Variants in KRABD3 observed in about 807,000 individuals in gnomAD.
The protein encoded by KRABD3 is KRAB domain-containing protein 3.
the KRABD3 span, chr7:149,724,969 C>A: frequency 1.2e-6 from 1 of 839,858 alleles, no homozygotes; most frequent in Non-Finnish European, 1.8e-6. Context: ...GCCTTTCTTC[C>A]CAAGCAGTGA....
At chr7:149,730,089 G>A in the KRABD3 span, 6 of 1,443,934 alleles carry the variant, frequency 4.2e-6, no homozygotes, top group South Asian at 1.5e-5. Context: ...CAGACACTAA[G>A]GCAGAGACCT....
At chr7:149,725,852 C>A in the KRABD3 span, 3 of 1,490,654 alleles carry the variant, frequency 2.0e-6, no homozygotes, top group African/African-American at 1.4e-5. Flanking sequence ...CTCCAGTGAG[C>A]CTCCTGGTGA....
chr7:149,724,631 C>T, the KRABD3 span: 2 of 1,496,572 alleles, frequency 1.3e-6, no homozygotes, highest in Non-Finnish European at 1.8e-6. Context: ...CCTTGGGCTT[C>T]CCAATGGCCT....
At chr7:149,734,174 C>T in the KRABD3 span, 4 of 1,321,880 alleles carry the variant, frequency 3.0e-6, no homozygotes, top group Non-Finnish European at 4.1e-6. Context: ...TGCTGGGAGC[C>T]TCGCCCTTTG....
the KRABD3 span, chr7:149,721,076 G>T: frequency 1.0e-5 from 15 of 1,505,674 alleles, no homozygotes; most frequent in African/African-American, 1.5e-4. Context: ...ACTGCATGTG[G>T]GCTTGCAGGC....
chr7:149,716,837 A>T, the KRABD3 span, among the ~76,000 whole-genome samples: 1 of 152,176 alleles, frequency 6.6e-6, no homozygotes, highest in Non-Finnish European at 1.5e-5. Flanking sequence ...CTTAATATTC[A>T]TAGTCCCCGC....
chr7:149,715,016 G>T, the KRABD3 span: 9 of 1,227,308 alleles, frequency 7.3e-6, no homozygotes, highest in Admixed American at 8.5e-5. Context: ...CAGGGCCCGC[G>T]CCGGAAACCG....
the KRABD3 span, chr7:149,734,286 T>G: frequency 1.8e-6 from 1 of 556,002 alleles, no homozygotes; most frequent in Non-Finnish European, 3.1e-6. Context: ...AATCAAATGT[T>G]GCTTCCCTCT....
the KRABD3 span, chr7:149,729,852 C>G: frequency 4.1e-6 from 4 of 985,446 alleles, no homozygotes; most frequent in Non-Finnish European, 4.8e-6. Flanking sequence ...GAGAAGCCGC[C>G]TGGCCTGTGA....
At chr7:149,730,676 G>A in the KRABD3 span, 9 of 1,354,662 alleles carry the variant, frequency 6.6e-6, no homozygotes, top group Non-Finnish European at 9.0e-6. Flanking sequence ...TCTTGCCAGG[G>A]AGTCCTGCAC....
At chr7:149,727,381 C>G in the KRABD3 span, among the ~76,000 whole-genome samples, 1 of 152,214 alleles carries the variant, frequency 6.6e-6, no homozygotes, top group Non-Finnish European at 1.5e-5. Context: ...GGGCTTTTCC[C>G]CTATAGTGCA....
At chr7:149,729,229 G>T in the KRABD3 span, 4 of 1,597,662 alleles carry the variant, frequency 2.5e-6, no homozygotes, top group Non-Finnish European at 3.4e-6. Context: ...TCTCGGGCAG[G>T]GTAGGGGAGA....
At chr7:149,720,244 A>C in the KRABD3 span, 10 of 1,167,026 alleles carry the variant, frequency 8.6e-6, no homozygotes, top group African/African-American at 1.6e-5. Flanking sequence ...CCCCTACTGC[A>C]ACCTCCCAAG....
chr7:149,726,187 G>A, the KRABD3 span: 1 of 826,106 alleles, frequency 1.2e-6, no homozygotes, highest in South Asian at 1.8e-5. Flanking sequence ...GGGATACTGA[G>A]GCAGGAGCAG....
the KRABD3 span, among the ~76,000 whole-genome samples, chr7:149,724,077 G>A: frequency 2.0e-5 from 3 of 152,190 alleles, no homozygotes; most frequent in East Asian, 1.9e-4. Flanking sequence ...CTCGGTCAGC[G>A]CTTGATAATT....
the KRABD3 span, among the ~76,000 whole-genome samples, chr7:149,717,321 G>T: frequency 6.6e-6 from 1 of 152,208 alleles, no homozygotes; most frequent in African/African-American, 2.4e-5. Flanking sequence ...TTTAGGGAAT[G>T]GTGGGAAGCC....
At chr7:149,734,117 C>T in the KRABD3 span, 1 of 1,510,606 alleles carries the variant, frequency 6.6e-7, no homozygotes, top group Non-Finnish European at 8.9e-7. Flanking sequence ...GCCCTGTCAC[C>T]CCACCCCAGG....
chr7:149,716,866 TC>T, the KRABD3 span, among the ~76,000 whole-genome samples: 2 of 152,228 alleles, frequency 1.3e-5, no homozygotes, highest in African/African-American at 2.4e-5. Context: ...TAGGCACTAT[TC>T]CTGTATTTGT....
At chr7:149,730,647 G>C in the KRABD3 span, 2 of 1,510,902 alleles carry the variant, frequency 1.3e-6, no homozygotes, top group African/African-American at 2.8e-5. Context: ...TTTGAGTCCT[G>C]CCTGTCGCTT....
Sources: gnomAD v4.1 joint callset for allele counts (sites outside exome capture counted in the v4.1 genomes callset) on GRCh38, gnomAD v4.1.1 for gene constraint, MANE v1.5 for transcripts, NCBI Gene and HGNC (gene_info 2026-07-23, HGNC 2026-07-21) for gene names.